The following TRAPPC12 variants were observed in gnomAD, a reference collection of about 807,000 sequenced individuals.
TRAPPC12 encodes trafficking protein particle complex subunit 12.
Under a neutral mutation model 69.2 loss-of-function variants are expected in TRAPPC12, and 61 were observed. The observed-to-expected ratio is 0.88, with a 90% CI of 0.72 to 1.09. The LOEUF (loss-of-function observed/expected upper bound fraction) is 1.09, where lower values mean the gene tolerates loss of function less well. Ranked by LOEUF, TRAPPC12 falls within the 50% of genes least tolerant of loss-of-function variation. The pLI, the probability that TRAPPC12 is intolerant of heterozygous loss-of-function variation, is 0.00. For synonymous variants in TRAPPC12, 469 were observed against 438.9 expected (o/e 1.07, Z -0.86); for missense variants, 1,101 against 1,016.4 (o/e 1.08, Z -1.13).
At chr2:3,390,698 T>C (rs996568904) in intron 2 of TRAPPC12, among the ~76,000 whole-genome samples, 2 of 152,178 alleles carry the variant, frequency 1.3e-5, no homozygotes, top group Non-Finnish European at 2.9e-5. Context: ...CCATGGAAAG[T>C]GCTACACCAA....
chr2:3,446,026 G>C (rs529492164), intron 6 of TRAPPC12, among the ~76,000 whole-genome samples: 14 of 152,346 alleles, frequency 9.2e-5, no homozygotes, highest in Non-Finnish European at 1.5e-4. Flanking sequence ...GGAGAAACGA[G>C]AAGGGTTAGT....
intron 5 of TRAPPC12, among the ~76,000 whole-genome samples, chr2:3,425,639 G>A (rs1465633722): frequency 6.6e-6 from 1 of 152,200 alleles, no homozygotes; most frequent in Non-Finnish European, 1.5e-5. Context: ...ACATGGGAAA[G>A]TCTCGCACTG....
At chr2:3,459,031 A>G (rs1251551618) in intron 7 of TRAPPC12, among the ~76,000 whole-genome samples, 3 of 152,232 alleles carry the variant, frequency 2.0e-5, no homozygotes, top group East Asian at 1.9e-4. Context: ...AATTCTAGCA[A>G]TTAAGTTTCT....
chr2:3,390,296 A>G (rs950809030), intron 2 of TRAPPC12, among the ~76,000 whole-genome samples: 3 of 152,244 alleles, frequency 2.0e-5, no homozygotes, highest in Admixed American at 6.5e-5. Flanking sequence ...AAGGCAGCCC[A>G]GATGGGACCA....
At chr2:3,449,292 A>T (rs1331738143) in intron 6 of TRAPPC12, 11 of 152,338 alleles carry the variant, frequency 7.2e-5, no homozygotes, top group African/African-American at 2.7e-4. Context: ...TCCATACGGA[A>T]TGATGCACTG....
chr2:3,464,182 TGCTCACACAC>T (rs1665673968), intron 8 of TRAPPC12, among the ~76,000 whole-genome samples: 1 of 150,188 alleles, frequency 6.7e-6, no homozygotes, highest in Admixed American at 6.6e-5. Context: ...TCATACACAA[TGCTCACACAC>T]GCTTACACAC....
intron 7 of TRAPPC12, among the ~76,000 whole-genome samples, chr2:3,459,631 CAG>C (rs1491353838): frequency 6.6e-6 from 1 of 152,180 alleles, no homozygotes; most frequent in Non-Finnish European, 1.5e-5. Flanking sequence ...GGGCCAGGCT[CAG>C]GGTCGCGGTC....
chr2:3,438,216 C>CA (rs1422816202), intron 5 of TRAPPC12, among the ~76,000 whole-genome samples: 15 of 113,910 alleles, frequency 1.3e-4, no homozygotes, highest in Non-Finnish European at 2.2e-4. Flanking sequence ...ATTCATCCCC[C>CA]ACCACCCCTG....
intron 5 of TRAPPC12, among the ~76,000 whole-genome samples, chr2:3,427,637 C>G (rs141429280): frequency 1.8e-3 from 268 of 152,324 alleles, no homozygotes; most frequent in African/African-American, 6.1e-3. Flanking sequence ...CCTGTAATCC[C>G]AGCACTTTGG....
chr2:3,468,381 C>T (rs1665916721), intron 9 of TRAPPC12, among the ~76,000 whole-genome samples: 1 of 152,000 alleles, frequency 6.6e-6, no homozygotes, highest in Non-Finnish European at 1.5e-5. Context: ...GCTGCTCAGG[C>T]TGGCGTGGCT....
chr2:3,457,306 G>A (rs1665208023), intron 6 of TRAPPC12: 1 of 441,568 alleles, frequency 2.3e-6, no homozygotes, highest in Non-Finnish European at 4.3e-6. Context: ...GGGTGGGATG[G>A]GAGGAAGAGC....
Position 3,421,612 on chromosome 2 carries a change from C to T in TRAPPC12, c.1165-269C>T, listed in dbSNP as rs182022928. 1.0e-5 allele frequency: 7 copies of T among 674,018 alleles called. No individual in the cohort carries two copies. The East Asian group carries it at 1.2e-4, about 11-fold the overall frequency. The allele number at this position is 674,018 out of a possible 1,614,324, so 41.8% of individuals were successfully genotyped here. A position where few individuals can be genotyped will look rare whatever the true frequency, so the allele number is the denominator to read the frequency against. On this transcript the variant is annotated intron_variant, in intron 3 of 11. Transcript: ENST00000324266. ...AAAAAGCCTCTTCCCGATGTTCTAT[C>T]GGTTGTTGAATTGTAATGTTTTTAT...
intron 8 of TRAPPC12, among the ~76,000 whole-genome samples, chr2:3,461,284 G>A (rs1353124394): frequency 2.6e-5 from 4 of 152,216 alleles, no homozygotes; most frequent in Non-Finnish European, 5.9e-5. Context: ...GGCTGGGTGC[G>A]GGTATAGATT....
chr2:3,419,552 T>C (rs1449656626), intron 3 of TRAPPC12, among the ~76,000 whole-genome samples: 1 of 151,936 alleles, frequency 6.6e-6, no homozygotes, highest in African/African-American at 2.4e-5. Flanking sequence ...CGATCAGTGG[T>C]TCTCTGACTT....
In TRAPPC12 at chr2:3,388,421, A is replaced by G. The variant is rs767211733; in HGVS notation, c.798A>G (p.Arg266=). The change falls in exon 2 of 12, where the codon CGA becomes CGG. Residue 266 remains arginine (R), a synonymous_variant. Coordinates refer to ENST00000324266, the MANE Select transcript of TRAPPC12 (RefSeq NM_016030.6). The stretch of plus-strand genomic sequence containing the variant: ...GGCGCCCCGAACCCGTGGCCATGCG[A>G]GGGCCCCAGGCAGCTGCGCCCCCGG... ...TEGRPEPVAM[R]GPQAAAPPAS... is the part of the protein sequence containing the mutation. 7 of 1,605,012 alleles carry G rather than the reference A, an allele frequency of 4.4e-6. No individual in the cohort carries two copies. The highest frequency in any genetic ancestry group is 6.0e-6 in the Non-Finnish European group (7 of 1,176,194).
At chr2:3,455,351 G>A (rs975342693) in intron 6 of TRAPPC12, 1 of 152,150 alleles carries the variant, frequency 6.6e-6, no homozygotes, top group Non-Finnish European at 1.5e-5. Flanking sequence ...CTCAAGCATT[G>A]ATCCTTTGTG....
At chr2:3,466,896 G>A (rs1466063791) in intron 9 of TRAPPC12, among the ~76,000 whole-genome samples, 1 of 152,186 alleles carries the variant, frequency 6.6e-6, no homozygotes, top group East Asian at 1.9e-4. Context: ...GCTGCCTCAT[G>A]TGTAACATTA....
At chr2:3,463,269 GGCCCCCTGAAGT>G (rs918547353) in intron 8 of TRAPPC12, among the ~76,000 whole-genome samples, 1 of 151,808 alleles carries the variant, frequency 6.6e-6, no homozygotes, top group Non-Finnish European at 1.5e-5. Flanking sequence ...ATTGACGATG[GGCCCCCTGAAGT>G]GCCCCAGAAT....
At chr2:3,462,133 C>A (rs1258755962) in intron 8 of TRAPPC12, among the ~76,000 whole-genome samples, 8 of 152,220 alleles carry the variant, frequency 5.3e-5, no homozygotes, top group Non-Finnish European at 8.8e-5. Flanking sequence ...GAGGAAAGTT[C>A]CCTGTTCCAC....
Sources: gnomAD v4.1 joint callset for allele counts (sites outside exome capture counted in the v4.1 genomes callset) on GRCh38, gnomAD v4.1.1 for gene constraint, MANE v1.5 for transcripts, NCBI Gene and HGNC (gene_info 2026-07-23, HGNC 2026-07-21) for gene names.